The following GCLC variants were observed in gnomAD, a reference collection of about 807,000 sequenced individuals.
The protein encoded by GCLC is glutamate-cysteine ligase catalytic subunit, also known as glutamate--cysteine ligase catalytic subunit.
A neutral mutation model predicts 81.5 loss-of-function variants in GCLC; 30 were observed. That is an observed-to-expected ratio of 0.37 (90% CI 0.28 to 0.50). The LOEUF (loss-of-function observed/expected upper bound fraction) is 0.50, where lower values mean the gene tolerates loss of function less well. Among genes scored for constraint, GCLC ranks in the 20% least tolerant of loss-of-function variants. The pLI is 0.96. For synonymous variants in GCLC, 262 were observed against 273.3 expected (o/e 0.96, Z 0.41); for missense variants, 556 against 777.4 (o/e 0.72, Z 3.39).
intron 6 of GCLC, among the ~76,000 whole-genome samples, chr6:53,512,721 A>G (rs1363654980): frequency 6.6e-6 from 1 of 152,192 alleles, no homozygotes; most frequent in Non-Finnish European, 1.5e-5. Context: ...CAACAAAAAT[A>G]TTTATCATCT....
intron 3 of GCLC, among the ~76,000 whole-genome samples, chr6:53,516,439 C>A (rs1026649408): frequency 6.6e-6 from 1 of 152,160 alleles, no homozygotes; most frequent in Admixed American, 6.5e-5. Context: ...AATTCCAGCC[C>A]ACTACTAACT....
chr6:53,509,681 C>G, intron 6 of GCLC: 2 of 232,542 alleles, frequency 8.6e-6, no homozygotes, highest in South Asian at 1.1e-4. Context: ...TGGAGTCTCA[C>G]TCTGTCGCCC....
chr6:53,500,557 T>TCAGA, intron 12 of GCLC, 44 bp from the exon 13 acceptor site: 1 of 1,377,048 alleles, frequency 7.3e-7, no homozygotes, highest in African/African-American at 1.4e-5. Context: ...ATATTCTTGA[T>TCAGA]CAGACATACA....
intron 1 of GCLC, among the ~76,000 whole-genome samples, chr6:53,531,171 G>T (rs1763165514): frequency 6.6e-6 from 1 of 152,136 alleles, no homozygotes; most frequent in African/African-American, 2.4e-5. Context: ...CTAGCTCCAG[G>T]GCAGTGATAC....
intron 1 of GCLC, among the ~76,000 whole-genome samples, chr6:53,532,109 T>C (rs1763181130): frequency 6.6e-6 from 1 of 152,256 alleles, no homozygotes; most frequent in Admixed American, 6.5e-5. Flanking sequence ...TGAGTGGAAA[T>C]CTTTCTAAAA....
rs2127620564 is a variant in GCLC, at chr6:53,506,321, AC to A, written c.1198-427del. 3.6e-6 allele frequency: 1 copy of A among 274,618 alleles called. No homozygotes were observed. Among genetic ancestry groups the A allele is most frequent in the African/African-American group, 2.2e-5 (1 of 44,834 alleles). 17.0% of individuals were successfully genotyped at this position (274,618 alleles called of 1,614,324 possible). A position where few individuals can be genotyped will look rare whatever the true frequency, so the allele number is the denominator to read the frequency against. On this transcript the variant is annotated intron_variant, in intron 10 of 15. Transcript: ENST00000650454. The surrounding 1 kb of genome is among the most constrained non-coding windows in gnomAD (Gnocchi z 4.0). ...TCCTGGGAATGCTGCTGCTTCGATG[AC>A]CCAAGAGCCTAAGAAGGGTAGCTGT...
intron 1 of GCLC, among the ~76,000 whole-genome samples, chr6:53,528,046 T>G (rs1763113702): frequency 6.6e-6 from 1 of 152,212 alleles, no homozygotes; most frequent in African/African-American, 2.4e-5. Context: ...GACAAATTTT[T>G]TTTTAAAAGA....
chr6:53,512,821 C>T (rs572496), intron 6 of GCLC, among the ~76,000 whole-genome samples: 67,444 of 151,926 alleles, frequency 0.44, 15,369 homozygotes, highest in Admixed American at 0.57. Flanking sequence ...ATGCGGTCTT[C>T]GGCAGAACAC....
At position 53,522,524 on chromosome 6, in the gene GCLC, C is replaced by G. The variant is rs1302768021; in HGVS notation, c.154G>C (p.Glu52Gln). The change falls in exon 2 of 16, where the codon GAA becomes CAA. Residue 52 changes from glutamate to glutamine, a missense_variant. Glu to Gln is a conservative substitution (Grantham distance 29). Around this residue, in one of 3 missense-constraint regions of GCLC, gnomAD observed 234 missense variants for 303.8 expected, o/e 0.77. Coordinates refer to ENST00000650454, the MANE Select transcript of GCLC (RefSeq NM_001498.4). ...KDVLKWGDEV[E>Q]YMLVSFDHEN... is the part of the protein sequence containing the mutation. Reference sequence around the variant, plus strand: ...TGATCAAAAGATACCAACATGTATTCCACCTATTGAAAATAAAGGTGAGAA... The same window carrying G: ...TGATCAAAAGATACCAACATGTATTGCACCTATTGAAAATAAAGGTGAGAA... The G allele has an allele frequency of 6.3e-7, 1 of 1,576,364 alleles. No individual in the cohort carries two copies. The highest frequency in any genetic ancestry group is 1.1e-5 in the South Asian group (1 of 90,342).
chr6:53,540,937 A>G (rs1196736934), intron 1 of GCLC, among the ~76,000 whole-genome samples: 1 of 152,206 alleles, frequency 6.6e-6, no homozygotes, highest in East Asian at 1.9e-4. Context: ...AGAGGTGGCC[A>G]GGCACACTGG....
At chr6:53,528,845 CCAAA>C (rs1465039294) in intron 1 of GCLC, among the ~76,000 whole-genome samples, 5 of 152,022 alleles carry the variant, frequency 3.3e-5, no homozygotes, top group Admixed American at 3.3e-4. Context: ...TTGTCTCAGC[CCAAA>C]CAGAGAAAAC....
intron 4 of GCLC, among the ~76,000 whole-genome samples, chr6:53,515,814 C>T (rs1764859954): frequency 6.6e-6 from 1 of 152,024 alleles, no homozygotes; most frequent in East Asian, 1.9e-4. Context: ...CATTTACAGA[C>T]CTAGGACTGA....
intron 4 of GCLC, among the ~76,000 whole-genome samples, chr6:53,515,470 C>A (rs1158860260): frequency 6.6e-6 from 1 of 152,238 alleles, no homozygotes; most frequent in South Asian, 2.1e-4. Flanking sequence ...AGGCTCTGCA[C>A]ATAGCAAACG....
In GCLC at chr6:53,544,921, G is replaced by A. The variant is rs567120351; in HGVS notation, c.-276C>T. 8 of 268,038 alleles carry A rather than the reference G, an allele frequency of 3.0e-5. No homozygotes were observed. Among genetic ancestry groups the A allele is most frequent in the Non-Finnish European group, 5.6e-5 (8 of 143,484 alleles). The allele number at this position is 268,038 out of a possible 1,614,324, so 16.6% of individuals were successfully genotyped here. On this transcript the variant is annotated 5_prime_UTR_variant, in exon 1 of 16. Transcript: ENST00000650454. ...GGACGGCTCTCGGCCCGGCGGCCTC[G>A]CCCTCCCCGCTGCTCCTCCTCCCGC...
chr6:53,538,308 T>C (rs531401305), intron 1 of GCLC, among the ~76,000 whole-genome samples: 157 of 150,350 alleles, frequency 1.0e-3, no homozygotes, highest in Non-Finnish European at 1.7e-3. Flanking sequence ...CAAGCCACCA[T>C]GCCTGGCAAG....
chr6:53,513,928 A>G, intron 6 of GCLC: 1 of 405,246 alleles, frequency 2.5e-6, no homozygotes, highest in Non-Finnish European at 4.4e-6. Flanking sequence ...ACAATGACAG[A>G]ATATATTGCA....
At chr6:53,503,988 T>C (rs566657336) in intron 12 of GCLC, among the ~76,000 whole-genome samples, 8 of 152,316 alleles carry the variant, frequency 5.3e-5, no homozygotes, top group African/African-American at 1.7e-4. Flanking sequence ...TGGATGTGAC[T>C]GAACCTCTCT....
intron 1 of GCLC, among the ~76,000 whole-genome samples, chr6:53,534,061 C>T (rs1763217375): frequency 6.6e-6 from 1 of 152,182 alleles, no homozygotes; most frequent in South Asian, 2.1e-4. Context: ...TCCCAAAGTG[C>T]CGGGATTACA....
At chr6:53,542,969 AT>A (rs1259789064) in intron 1 of GCLC, among the ~76,000 whole-genome samples, 2 of 152,136 alleles carry the variant, frequency 1.3e-5, no homozygotes, top group Admixed American at 6.5e-5. Flanking sequence ...AGATCACACC[AT>A]TGCACTCCAG....
Sources: allele counts gnomAD v4.1 joint callset (sites outside exome capture counted in the v4.1 genomes callset), GRCh38; gene constraint gnomAD v4.1.1; regional missense constraint gnomAD v4.1.1; non-coding constraint Gnocchi (gnomAD v3.1); transcripts MANE v1.5; gene names NCBI Gene and HGNC (gene_info 2026-07-23, HGNC 2026-07-21).